The following AKAP13 variants were observed in gnomAD, a reference collection of about 807,000 sequenced individuals.
AKAP13 encodes the protein A-kinase anchor protein 13.
AKAP13 carries 80 observed loss-of-function variants against 264.5 expected under a neutral mutation model. That is an observed-to-expected ratio of 0.30 (90% CI 0.25 to 0.36). The LOEUF is 0.36. Ranked by LOEUF, AKAP13 falls within the 10% of genes least tolerant of loss-of-function variation. The probability of loss-of-function intolerance (pLI) is 1.00; values close to 1 mark genes in which losing one functional copy is unlikely to be tolerated. For missense variants in AKAP13, 3,712 were observed against 3,435.2 expected (o/e 1.08, Z -2.01); for synonymous variants, 1,380 against 1,250.2 (o/e 1.10, Z -2.19).
At chr15:85,416,404 G>A (rs1474027634) in intron 1 of AKAP13, among the ~76,000 whole-genome samples, 3 of 152,066 alleles carry the variant, frequency 2.0e-5, no homozygotes, top group South Asian at 2.1e-4. Context: ...TGTTAAGTCT[G>A]GTTTTTTTCC....
chr15:85,440,932 T>C (rs549435841), intron 1 of AKAP13, among the ~76,000 whole-genome samples: 9 of 152,294 alleles, frequency 5.9e-5, no homozygotes, highest in Middle Eastern at 3.4e-3. Context: ...GGGACTGATA[T>C]AGCAGTTATA....
At chr15:85,715,643 C>G (rs1389109549) in intron 19 of AKAP13, 145 bp from the exon 20 acceptor site, 1 of 1,063,258 alleles carries the variant, frequency 9.4e-7, no homozygotes, top group African/African-American at 1.7e-5. Context: ...TTAGTGTCCT[C>G]TCCTCCATGG....
At chr15:85,651,892 T>G (rs1450104107) in intron 10 of AKAP13, among the ~76,000 whole-genome samples, 1 of 152,180 alleles carries the variant, frequency 6.6e-6, no homozygotes, top group Non-Finnish European at 1.5e-5. Context: ...ATATGGTAGG[T>G]ATAGGTTTAG....
chr15:85,721,850 AG>A, intron 23 of AKAP13, 140 bp from the exon 24 acceptor site: 1 of 1,366,520 alleles, frequency 7.3e-7, no homozygotes, highest in Non-Finnish European at 9.8e-7. Context: ...TGCTTTCCAA[AG>A]CTGCTGCACC....
At chr15:85,477,735 T>C (rs551821777) in intron 1 of AKAP13, among the ~76,000 whole-genome samples, 60 of 152,258 alleles carry the variant, frequency 3.9e-4, no homozygotes, top group African/African-American at 1.4e-3. Context: ...ACACATTTAT[T>C]TTTCCCTTGT....
chr15:85,435,247 G>A (rs1178801911), intron 1 of AKAP13, among the ~76,000 whole-genome samples: 10 of 150,136 alleles, frequency 6.7e-5, no homozygotes, highest in South Asian at 2.1e-4. Flanking sequence ...GAAATGAAGC[G>A]AGAAGGGAAG....
intron 17 of AKAP13, among the ~76,000 whole-genome samples, chr15:85,704,939 A>C (rs1426592011): frequency 6.6e-6 from 1 of 152,214 alleles, no homozygotes; most frequent in Non-Finnish European, 1.5e-5. Context: ...AATTGAGTCC[A>C]GGACAACTTG....
At position 85,724,068 on chromosome 15, in the gene AKAP13, C is replaced by T. The variant is rs745650506; in HGVS notation, c.6745+748C>T. On this transcript the variant is annotated intron_variant, in intron 26 of 36. Transcript: ENST00000394518. This position sits in a 1 kb window ranked among gnomAD's most constrained non-coding sequence, Gnocchi z 4.2. Reference sequence around the variant, plus strand: ...TAGCCTTGAATTATACCCACCCCGTCGCCCTGGCCTCAGTGAGCTGAGGAC... The same window carrying T: ...TAGCCTTGAATTATACCCACCCCGTTGCCCTGGCCTCAGTGAGCTGAGGAC... 3.3e-5 allele frequency among the ~76,000 whole-genome samples: 5 copies of T among 152,172 alleles called. No individual in the cohort carries two copies. The highest frequency in any genetic ancestry group is 4.8e-5 in the African/African-American group (2 of 41,442).
At chr15:85,622,404 T>C (rs2081234933) in intron 8 of AKAP13, among the ~76,000 whole-genome samples, 2 of 151,672 alleles carry the variant, frequency 1.3e-5, no homozygotes, top group South Asian at 4.2e-4. Flanking sequence ...AAGGAAGGAA[T>C]GGACAGGGCC....
At chr15:85,429,589 G>A (rs1459338208) in intron 1 of AKAP13, among the ~76,000 whole-genome samples, 1 of 152,114 alleles carries the variant, frequency 6.6e-6, no homozygotes, top group East Asian at 1.9e-4. Context: ...CACATAATTG[G>A]TGAGTATGAT....
intron 1 of AKAP13, among the ~76,000 whole-genome samples, chr15:85,386,196 T>C (rs1413205224): frequency 6.6e-6 from 1 of 152,160 alleles, no homozygotes; most frequent in Non-Finnish European, 1.5e-5. Flanking sequence ...TTTTTTGTTT[T>C]TTTGTTTTTT....
At chr15:85,743,434 T>C (rs2089206582) in intron 35 of AKAP13, 58 bp from the exon 36 acceptor site, 3 of 1,549,276 alleles carry the variant, frequency 1.9e-6, no homozygotes, top group East Asian at 2.2e-5. Flanking sequence ...ATTTATTGAG[T>C]TGGCATCACG....
In AKAP13 at chr15:85,638,567, T is replaced by A. The variant is rs1255899583; in HGVS notation, c.4162-807T>A. Reference sequence around the variant, plus strand: ...ATCAATTAAGAGAGGAGTATTGAAATCTTCAGTGGTAATTTTAAAAATTTA... The same window carrying A: ...ATCAATTAAGAGAGGAGTATTGAAAACTTCAGTGGTAATTTTAAAAATTTA... On this transcript the variant is annotated intron_variant, in intron 8 of 36. Coordinates refer to ENST00000394518, the MANE Select transcript of AKAP13 (RefSeq NM_007200.5). Among the ~76,000 whole-genome samples the A allele has an allele frequency of 2.6e-5, 4 of 152,186 alleles. No homozygotes were observed. The East Asian group carries it at 7.7e-4, about 29-fold the overall frequency.
At chr15:85,477,864 T>A (rs1596299665) in intron 1 of AKAP13, among the ~76,000 whole-genome samples, 1 of 152,306 alleles carries the variant, frequency 6.6e-6, no homozygotes, top group Admixed American at 6.5e-5. Context: ...TTGACCTGGA[T>A]GCCTCTTGTG....
rs991080632 is a variant in AKAP13 at position 85,727,307 on chromosome 15, T to C, written c.7004+60T>C. On this transcript the variant is annotated intron_variant, in intron 28 of 36. Coordinates refer to ENST00000394518, the MANE Select transcript of AKAP13 (RefSeq NM_007200.5). The surrounding 1 kb of genome is among the most constrained non-coding windows in gnomAD (Gnocchi z 5.3). ...CTCCTGATGTCTCTGTGTGATTTCA[T>C]AACAGGCTGGACTGTGACCAGAGTA... 1.2e-6 allele frequency: 2 copies of C among 1,612,670 alleles called. No individual in the cohort carries two copies.
In AKAP13 at chr15:85,717,162, A is replaced by T. The variant is rs187155683; in HGVS notation, c.5736-128A>T. 380 of 576,258 alleles carry T rather than the reference A, an allele frequency of 6.6e-4. 8 individuals are homozygous for T. In the East Asian group the frequency reaches 0.011, roughly 16 times the overall value. 35.7% of individuals were successfully genotyped at this position (576,258 alleles called of 1,614,324 possible). A position where few individuals can be genotyped will look rare whatever the true frequency, so the allele number is the denominator to read the frequency against. ...TGTTGCTGTGGCCCCGACATAAGCAATTTGTCTTCAGTCACTGTAGTACTT... is the reference window on the plus strand; with the variant it reads ...TGTTGCTGTGGCCCCGACATAAGCATTTTGTCTTCAGTCACTGTAGTACTT... On this transcript the variant is annotated intron_variant, in intron 20 of 36. Transcript: ENST00000394518.
At chr15:85,569,109 C>T (rs1167709343) in intron 5 of AKAP13, among the ~76,000 whole-genome samples, 2 of 152,202 alleles carry the variant, frequency 1.3e-5, no homozygotes, top group Admixed American at 6.5e-5. Context: ...ATAGGTTTGG[C>T]ATTGCTGCTG....
At chr15:85,620,064 T>C in intron 8 of AKAP13, 2 of 1,536,040 alleles carry the variant, frequency 1.3e-6, no homozygotes, top group African/African-American at 1.4e-5. Context: ...TCCTGCATTT[T>C]CTCTGTTCTT....
intron 8 of AKAP13, among the ~76,000 whole-genome samples, chr15:85,615,830 A>G (rs1345161177): frequency 2.0e-5 from 3 of 152,210 alleles, no homozygotes; most frequent in African/African-American, 7.2e-5. Flanking sequence ...CTGGCAGTAT[A>G]TAATATTAGA....
Sources: allele counts gnomAD v4.1 joint callset (sites outside exome capture counted in the v4.1 genomes callset), GRCh38; gene constraint gnomAD v4.1.1; non-coding constraint Gnocchi (gnomAD v3.1); transcripts MANE v1.5; gene names NCBI Gene and HGNC (gene_info 2026-07-23, HGNC 2026-07-21).